Variants in ODAD2 observed in about 807,000 individuals in gnomAD.
ODAD2 encodes outer dynein arm docking complex subunit 2.
A neutral mutation model predicts 106.8 loss-of-function variants in ODAD2; 89 were observed. That is an observed-to-expected ratio of 0.83 (90% confidence interval 0.70 to 0.99). ODAD2 has a LOEUF of 0.99. Ranked by LOEUF, ODAD2 falls within the 50% of genes least tolerant of loss-of-function variation. The probability of loss-of-function intolerance (pLI) is 0.00; values close to 1 mark genes in which losing one functional copy is unlikely to be tolerated. For missense variants in ODAD2, 1,168 were observed against 1,238.5 expected (o/e 0.94, Z 0.85); for synonymous variants, 404 against 436.2 (o/e 0.93, Z 0.92).
At chr10:27,921,525 A>C (rs1333084467) in intron 16 of ODAD2, among the ~76,000 whole-genome samples, 1 of 152,044 alleles carries the variant, frequency 6.6e-6, no homozygotes, top group East Asian at 1.9e-4. Flanking sequence ...AGTAATTAAA[A>C]AAAAAAATCC....
chr10:27,973,998 C>T (rs1168485905), intron 7 of ODAD2, among the ~76,000 whole-genome samples: 3 of 152,204 alleles, frequency 2.0e-5, no homozygotes, highest in African/African-American at 7.2e-5. Flanking sequence ...GATGATATCT[C>T]ATTATGGTTT....
chr10:27,827,365 T>A (rs1048707957), intron 19 of ODAD2, among the ~76,000 whole-genome samples: 6 of 116,250 alleles, frequency 5.2e-5, no homozygotes, highest in Non-Finnish European at 1.0e-4. Context: ...GACACACACA[T>A]ACACACACAC....
At chr10:27,857,717 G>A (rs977613491) in intron 19 of ODAD2, among the ~76,000 whole-genome samples, 1 of 152,164 alleles carries the variant, frequency 6.6e-6, no homozygotes, top group Admixed American at 6.5e-5. Context: ...TAGCCTTCAG[G>A]AGACAGATAC....
At position 27,981,457 on chromosome 10, in the gene ODAD2, A is replaced by G; in HGVS notation, c.936+9T>C. 6.7e-7 allele frequency: 1 copy of G among 1,495,140 alleles called. No individual in the cohort carries two copies. Among genetic ancestry groups the G allele is most frequent in the Non-Finnish European group, 8.8e-7 (1 of 1,131,136 alleles). 92.6% of individuals were successfully genotyped at this position (1,495,140 alleles called of 1,614,324 possible). On this transcript the variant is annotated intron_variant, in intron 7 of 19. Transcript: ENST00000305242. ...GCTATGAAAGCTCAAAAGAAACCAT[A>G]AAACTTACCAATTTAGACATATTTT...
chr10:27,845,838 G>C (rs1302284415), intron 19 of ODAD2, among the ~76,000 whole-genome samples: 1 of 152,100 alleles, frequency 6.6e-6, no homozygotes, highest in Middle Eastern at 3.4e-3. Context: ...GCCATTACAT[G>C]ATGGTAAAGG....
intron 7 of ODAD2, among the ~76,000 whole-genome samples, chr10:27,974,570 C>G (rs1849066049): frequency 6.6e-6 from 1 of 151,898 alleles, no homozygotes; most frequent in South Asian, 2.1e-4. Context: ...GCTCTCTATT[C>G]TGTTTCATTG....
At chr10:27,815,434 C>T (rs1318291589) in intron 19 of ODAD2, among the ~76,000 whole-genome samples, 1 of 152,174 alleles carries the variant, frequency 6.6e-6, no homozygotes, top group African/African-American at 2.4e-5. Flanking sequence ...AAATTCCATC[C>T]CACTGACTCC....
At chr10:27,909,843 G>C (rs200299490) in intron 16 of ODAD2, among the ~76,000 whole-genome samples, 1 of 56,550 alleles carries the variant, frequency 1.8e-5, no homozygotes, top group Middle Eastern at 0.014. Context: ...AAAAAAAAAA[G>C]ACTCAGAACA....
In ODAD2 at chr10:27,812,534, G is replaced by C. The variant is rs767489618; in HGVS notation, c.3113C>G (p.Thr1038Arg). 8 of 1,612,650 alleles carry C rather than the reference G, an allele frequency of 5.0e-6. No individual in the cohort carries two copies. The Admixed American group carries it at 1.2e-4, about 24-fold the overall frequency. ...ATTTCAAGTGTATCTTGCCTTCTCT[G>C]TAGCAAGAGCCAGCCTGCGGATATT... Reference protein sequence around the residue: ...ISNIRRLALATEKARYT With the variant: ...ISNIRRLALAREKARYT The change falls in exon 20 of 20, where the codon ACA (threonine) becomes AGA (arginine). Residue 1038 changes from threonine to arginine, a missense_variant. Coordinates refer to ENST00000305242, the MANE Select transcript of ODAD2 (RefSeq NM_018076.5).
intron 17 of ODAD2, among the ~76,000 whole-genome samples, chr10:27,882,680 A>T (rs757917694): frequency 6.6e-6 from 1 of 152,194 alleles, no homozygotes; most frequent in Admixed American, 6.5e-5. Flanking sequence ...CTCCAGCTCC[A>T]CAGTAGCCTT....
At chr10:27,830,946 G>A (rs1837430073) in intron 19 of ODAD2, among the ~76,000 whole-genome samples, 1 of 152,174 alleles carries the variant, frequency 6.6e-6, no homozygotes, top group South Asian at 2.1e-4. Context: ...GATAAGTTTG[G>A]CAGGTGGACA....
chr10:27,815,768 A>G (rs1348622021), intron 19 of ODAD2, among the ~76,000 whole-genome samples: 1 of 152,078 alleles, frequency 6.6e-6, no homozygotes, highest in Non-Finnish European at 1.5e-5. Flanking sequence ...TCCCTAGATG[A>G]CATCTTTCAC....
Position 27,831,131 on chromosome 10 carries a change from A to G in ODAD2, c.3022-18506T>C, listed in dbSNP as rs117867611. 5.7e-3 allele frequency among the ~76,000 whole-genome samples: 865 copies of G among 152,298 alleles called. 22 individuals carry two copies. The East Asian group carries it at 0.072, about 13-fold the overall frequency. ...CAGGAGACAGTGCTCCCAGAAGTCC[A>G]TCTGCCTTGTGCTTGGATGCATCCT... On this transcript the variant is annotated intron_variant, in intron 19 of 19. Coordinates refer to ENST00000305242, the MANE Select transcript of ODAD2 (RefSeq NM_018076.5).
At position 27,944,813 on chromosome 10, in the gene ODAD2, C is replaced by A; in HGVS notation, c.1533+3G>T. The A allele has an allele frequency of 6.2e-7, 1 of 1,614,092 alleles. No homozygotes were observed. Among genetic ancestry groups the A allele is most frequent in the Non-Finnish European group, 8.5e-7 (1 of 1,179,982 alleles). On this transcript the variant is annotated splice_donor_region_variant and intron_variant, in intron 11 of 19. Coordinates refer to ENST00000305242, the MANE Select transcript of ODAD2 (RefSeq NM_018076.5). ...CCGCATCCAAGGTGACAGAGCCACT[C>A]ACCTTACATTTGACTTCATCGGTTT... is the stretch of plus-strand genomic sequence containing the variant.
rs118124503 is a variant in ODAD2 at position 27,982,648 on chromosome 10, G to T, written c.820-1066C>A. Reference sequence around the variant, plus strand: ...ATCAGAAAAGAGGCTCCAGCATTTTGGTACCAACCCAAGCCAACATGTAAC... The same window carrying T: ...ATCAGAAAAGAGGCTCCAGCATTTTTGTACCAACCCAAGCCAACATGTAAC... On this transcript the variant is annotated intron_variant, in intron 6 of 19. Coordinates refer to ENST00000305242, the MANE Select transcript of ODAD2 (RefSeq NM_018076.5). 1.2e-4 allele frequency among the ~76,000 whole-genome samples: 18 copies of T among 152,248 alleles called. No homozygotes were observed. In the East Asian group the frequency reaches 3.3e-3, roughly 28 times the overall value.
In ODAD2 at chr10:27,961,728, A is replaced by T. The variant is rs183868067; in HGVS notation, c.1239-13T>A. 12 of 1,600,078 alleles carry T rather than the reference A, an allele frequency of 7.5e-6. No homozygotes were observed. The African/African-American group carries it at 8.0e-5, about 11-fold the overall frequency. On this transcript the variant is annotated splice_polypyrimidine_tract_variant and intron_variant, in intron 9 of 19. Coordinates refer to ENST00000305242, the MANE Select transcript of ODAD2 (RefSeq NM_018076.5). ...TTCAGCACTCTTCCTAAGAACAATAACAACACACATACACATGTAAGCTAT... is the reference window on the plus strand; with the variant it reads ...TTCAGCACTCTTCCTAAGAACAATATCAACACACATACACATGTAAGCTAT...
chr10:27,899,918 G>T (rs1475078263), intron 17 of ODAD2, among the ~76,000 whole-genome samples: 1 of 152,156 alleles, frequency 6.6e-6, no homozygotes, highest in African/African-American at 2.4e-5. Context: ...CTGTCTGCTG[G>T]CTCTGAAGAG....
intron 16 of ODAD2, among the ~76,000 whole-genome samples, chr10:27,908,597 G>C (rs12779675): frequency 0.39 from 58,558 of 151,922 alleles, 12,483 homozygotes; most frequent in Middle Eastern, 0.57. Context: ...AAGATAAAGG[G>C]CATCAAAATT....
intron 19 of ODAD2, among the ~76,000 whole-genome samples, chr10:27,849,025 C>T (rs1839032540): frequency 6.6e-6 from 1 of 152,256 alleles, no homozygotes; most frequent in Non-Finnish European, 1.5e-5. Flanking sequence ...CTAGAAATAC[C>T]ATTTGACCCA....
Sources: allele counts gnomAD v4.1 joint callset (sites outside exome capture counted in the v4.1 genomes callset), GRCh38; gene constraint gnomAD v4.1.1; transcripts MANE v1.5; gene names NCBI Gene and HGNC (gene_info 2026-07-23, HGNC 2026-07-21).